Variants in ABCA10 observed in about 807,000 individuals in gnomAD.
ABCA10 encodes ATP-binding cassette sub-family A member 10.
ABCA10 carries 169 observed loss-of-function variants against 187.5 expected under a neutral mutation model. The observed-to-expected ratio is 0.90, with a 90% CI of 0.80 to 1.02. The LOEUF is 1.02. Among genes scored for constraint, ABCA10 ranks in the 50% least tolerant of loss-of-function variants. The pLI, the probability that ABCA10 is intolerant of heterozygous loss-of-function variation, is 0.00. For missense variants in ABCA10, 1,727 were observed against 1,812.4 expected (o/e 0.95, Z 0.86); for synonymous variants, 574 against 601.8 (o/e 0.95, Z 0.68).
At chr17:69,192,066 T>G (rs1220468264) in intron 16 of ABCA10, among the ~76,000 whole-genome samples, 5 of 152,262 alleles carry the variant, frequency 3.3e-5, no homozygotes, top group Non-Finnish European at 7.3e-5. Context: ...GGCTCATGCC[T>G]GTAATCCCAG....
chr17:69,203,606 A>G (rs1024341227), intron 9 of ABCA10, among the ~76,000 whole-genome samples: 1 of 152,160 alleles, frequency 6.6e-6, no homozygotes, highest in African/African-American at 2.4e-5. Flanking sequence ...TCTCAAACAG[A>G]TTAGTATCCA....
intron 1 of ABCA10, among the ~76,000 whole-genome samples, chr17:69,244,013 T>C (rs2074923833): frequency 6.6e-6 from 1 of 152,198 alleles, no homozygotes; most frequent in Non-Finnish European, 1.5e-5. Context: ...ATCTGTTCAT[T>C]AAGTTTAAAA....
chr17:69,161,576 CA>C (rs1328149519), intron 27 of ABCA10, among the ~76,000 whole-genome samples: 1 of 152,082 alleles, frequency 6.6e-6, no homozygotes, highest in African/African-American at 2.4e-5. Flanking sequence ...AAGGGGACTT[CA>C]AAAATACCAT....
intron 29 of ABCA10, 53 bp downstream of exon 29, chr17:69,155,752 T>C: frequency 6.3e-7 from 1 of 1,576,422 alleles, no homozygotes. Context: ...TCATCAATTC[T>C]AGAGGACAAA....
intron 20 of ABCA10, among the ~76,000 whole-genome samples, chr17:69,184,385 C>T (rs959261040): frequency 2.0e-5 from 3 of 152,060 alleles, no homozygotes; most frequent in African/African-American, 2.4e-5. Context: ...AGCTGATGCT[C>T]TCTTGAAAGT....
chr17:69,184,132 A>C (rs1196767297), intron 20 of ABCA10, among the ~76,000 whole-genome samples: 1 of 152,150 alleles, frequency 6.6e-6, no homozygotes, highest in East Asian at 1.9e-4. Context: ...CAGCAGAAGC[A>C]GCCATAATCT....
intron 1 of ABCA10, among the ~76,000 whole-genome samples, chr17:69,239,157 AG>A (rs1407670530): frequency 4.6e-5 from 7 of 152,260 alleles, no homozygotes; most frequent in African/African-American, 1.7e-4. Flanking sequence ...GGGAGGTTGT[AG>A]GGGCTCAGCA....
rs540325150 is a variant in ABCA10 at position 69,164,919 on chromosome 17, G to C, written c.3282+45C>G. On this transcript the variant is annotated intron_variant, in intron 26 of 38. Transcript: ENST00000690296. ...ACAATGGGTAAGGATTTTATTAATG[G>C]GCTACAAGGTCAAGACTGGAGACAC... 4.1e-5 allele frequency: 64 copies of C among 1,579,618 alleles called. No individual in the cohort carries two copies. In the African/African-American group the frequency reaches 7.7e-4, roughly 19 times the overall value.
intron 1 of ABCA10, among the ~76,000 whole-genome samples, chr17:69,240,580 AT>A (rs2074897861): frequency 6.6e-6 from 1 of 152,072 alleles, no homozygotes; most frequent in African/African-American, 2.4e-5. Flanking sequence ...GTGAAATGCA[AT>A]TTCTTTAGTA....
chr17:69,189,753 T>C (rs1008795716), intron 18 of ABCA10, among the ~76,000 whole-genome samples: 1 of 152,204 alleles, frequency 6.6e-6, no homozygotes, highest in Admixed American at 6.5e-5. Flanking sequence ...TAGCCAGTTA[T>C]CCCAGCACCA....
intron 1 of ABCA10, among the ~76,000 whole-genome samples, chr17:69,243,846 C>T (rs1018390563): frequency 3.3e-5 from 5 of 152,082 alleles, no homozygotes; most frequent in Middle Eastern, 3.2e-3. Context: ...TGCAGTGAGC[C>T]GGGATTGTGC....
intron 10 of ABCA10, among the ~76,000 whole-genome samples, chr17:69,200,148 T>A: frequency 6.6e-6 from 1 of 152,328 alleles, no homozygotes; most frequent in East Asian, 1.9e-4. Flanking sequence ...CTGAGATAGG[T>A]CTAACTGATT....
chr17:69,205,513 T>C (rs2074584622), intron 9 of ABCA10, among the ~76,000 whole-genome samples: 1 of 152,172 alleles, frequency 6.6e-6, no homozygotes, highest in Non-Finnish European at 1.5e-5. Flanking sequence ...GAATAAACAA[T>C]AAAATATTCA....
In ABCA10 at chr17:69,210,170, C is replaced by CTTTTTTTT. The variant is rs1160992125; in HGVS notation, c.1006+4526_1006+4533dup. Among the ~76,000 whole-genome samples, 61 of 70,872 alleles carry CTTTTTTTT rather than the reference C, an allele frequency of 8.6e-4. 5 individuals carry two copies. Among genetic ancestry groups the CTTTTTTTT allele is most frequent in the African/African-American group, 2.5e-3 (38 of 14,954 alleles). 46.5% of individuals were successfully genotyped at this position (70,872 alleles called of 152,430 possible). A position where few individuals can be genotyped will look rare whatever the true frequency, so the allele number is the denominator to read the frequency against. ...TGGGTAAATTATTTAGTGGTTATTT[C>CTTTTTTTT]TTTTTTTTTTTTTTTTTTTTTTTTT... On this transcript the variant is annotated intron_variant, in intron 9 of 38. Transcript: ENST00000690296.
intron 1 of ABCA10, chr17:69,234,260 T>G (rs2144862917): frequency 6.6e-6 from 1 of 152,440 alleles, no homozygotes; most frequent in Admixed American, 6.5e-5. Flanking sequence ...CGAGTCTCAC[T>G]CTAGGTCCTT....
In ABCA10 at chr17:69,164,962, A is replaced by G; in HGVS notation, c.3282+2T>C. On this transcript the variant is annotated splice_donor_variant, in intron 26 of 38. Transcript: ENST00000690296. LOFTEE classifies it high-confidence loss of function. The stretch of plus-strand genomic sequence containing the variant: ...GGAGACACAGTAGGTAACACTGCTT[A>G]CCTGGATCAATAACATGACATACCC... 3.1e-6 allele frequency: 5 copies of G among 1,612,944 alleles called. No homozygotes were observed. The South Asian group carries it at 5.5e-5, about 18-fold the overall frequency.
intron 6 of ABCA10, among the ~76,000 whole-genome samples, chr17:69,216,711 C>T (rs2074708308): frequency 6.6e-6 from 1 of 151,990 alleles, no homozygotes; most frequent in South Asian, 2.1e-4. Context: ...TTTATTCTTT[C>T]AGTTAAATGA....
At chr17:69,191,533 T>C (rs1442124807) in intron 16 of ABCA10, among the ~76,000 whole-genome samples, 1 of 152,182 alleles carries the variant, frequency 6.6e-6, no homozygotes, top group African/African-American at 2.4e-5. Context: ...AATGGAAAAA[T>C]TATAGTACAT....
intron 15 of ABCA10, 65 bp from the exon 16 acceptor site, chr17:69,192,718 CT>C (rs2074470173): frequency 1.1e-5 from 15 of 1,335,954 alleles, no homozygotes; most frequent in Non-Finnish European, 1.6e-5. Flanking sequence ...ATATTCTCTA[CT>C]TTGGATACTA....
Sources: allele counts gnomAD v4.1 joint callset (sites outside exome capture counted in the v4.1 genomes callset), GRCh38; gene constraint gnomAD v4.1.1; transcripts MANE v1.5; gene names NCBI Gene and HGNC (gene_info 2026-07-23, HGNC 2026-07-21).